The following DNAJC10 variants were observed in gnomAD, a reference collection of about 807,000 sequenced individuals.
DNAJC10 encodes endoplasmic reticulum disulfide reductase DNAJC10.
DNAJC10 carries 101 observed loss-of-function variants against 115.0 expected under a neutral mutation model. The observed-to-expected ratio is 0.88, with a 90% CI of 0.75 to 1.04. The LOEUF is 1.04. DNAJC10 is among the 50% of genes least tolerant of loss of function. The pLI is 0.00. For synonymous variants in DNAJC10, 307 were observed against 301.5 expected, an observed-to-expected ratio of 1.02 and a Z score of -0.19; for missense variants, 981 against 928.8, an observed-to-expected ratio of 1.06 and a Z score of -0.73.
At chr2:182,762,847 C>A in intron 22 of DNAJC10, 46 bp downstream of exon 22, 1 of 1,580,762 alleles carries the variant, frequency 6.3e-7, no homozygotes, top group South Asian at 1.2e-5. Context: ...AGGCCAAGCT[C>A]AAAAGATGTG....
At chr2:182,762,058 A>C (rs1694298305) in intron 21 of DNAJC10, among the ~76,000 whole-genome samples, 1 of 152,118 alleles carries the variant, frequency 6.6e-6, no homozygotes, top group Non-Finnish European at 1.5e-5. Context: ...TGGTGAACTT[A>C]CAGCAGTTTC....
chr2:182,761,402 GTGTC>G (rs1280073457), intron 21 of DNAJC10, among the ~76,000 whole-genome samples: 3 of 152,130 alleles, frequency 2.0e-5, no homozygotes, highest in Non-Finnish European at 4.4e-5. Context: ...GCAAGTGTGT[GTGTC>G]TGCCTACATG....
At chr2:182,767,857 TATC>T (rs1694454643) in intron 22 of DNAJC10, among the ~76,000 whole-genome samples, 1 of 152,160 alleles carries the variant, frequency 6.6e-6, no homozygotes, top group African/African-American at 2.4e-5. Flanking sequence ...CAGCATTCCT[TATC>T]ATACTACACA....
chr2:182,771,166 T>A (rs1232777328), intron 22 of DNAJC10, among the ~76,000 whole-genome samples: 1 of 152,160 alleles, frequency 6.6e-6, no homozygotes, highest in Non-Finnish European at 1.5e-5. Context: ...TGACTTGATC[T>A]TGGTGGATAA....
intron 3 of DNAJC10, 121 bp downstream of exon 3, chr2:182,718,411 A>G (rs1354010332): frequency 4.9e-6 from 4 of 822,500 alleles, no homozygotes; most frequent in Non-Finnish European, 7.1e-6. Flanking sequence ...TTATAATTCA[A>G]CTTGTATGCT....
intron 11 of DNAJC10, among the ~76,000 whole-genome samples, chr2:182,737,272 C>T (rs1170824915): frequency 1.3e-5 from 2 of 152,084 alleles, no homozygotes; most frequent in Non-Finnish European, 2.9e-5. Context: ...TACGGAATCC[C>T]AAAAGAAAGT....
chr2:182,774,307 G>T (rs924831465), intron 22 of DNAJC10, among the ~76,000 whole-genome samples: 7 of 152,184 alleles, frequency 4.6e-5, no homozygotes, highest in Middle Eastern at 3.2e-3. Flanking sequence ...TGGGGATCAG[G>T]GACTCACTTG....
chr2:182,732,210 G>A (rs1693464718), intron 9 of DNAJC10, among the ~76,000 whole-genome samples: 1 of 152,040 alleles, frequency 6.6e-6, no homozygotes, highest in African/African-American at 2.4e-5. Flanking sequence ...TAGGAGGAGA[G>A]ATTGAGAGTA....
chr2:182,789,640 CAT>C lies in DNAJC10; in HGVS notation c.*12509_*12510del, dbSNP rs1695014548. Reference sequence around the variant, plus strand: ...CCATTGCAAATAATGCTGCTATAAACATGGGTGTACAAATATCAGAAACCCTG... The same window carrying C: ...CCATTGCAAATAATGCTGCTATAAACGGGTGTACAAATATCAGAAACCCTG... On this transcript the variant is annotated 3_prime_UTR_variant, in exon 24 of 24. Coordinates refer to ENST00000264065, the MANE Select transcript of DNAJC10 (RefSeq NM_018981.4). The C allele has an allele frequency of 6.6e-6, 1 of 152,230 alleles. No individual in the cohort carries two copies. The highest frequency in any genetic ancestry group is 2.4e-5 in the African/African-American group (1 of 41,454). 9.4% of individuals were successfully genotyped at this position (152,230 alleles called of 1,614,324 possible).
chr2:182,793,614 A>T lies in DNAJC10; in HGVS notation c.*16482A>T, dbSNP rs1324373832. 1 of 152,138 alleles carries T rather than the reference A, an allele frequency of 6.6e-6. No homozygotes were observed. 9.4% of individuals were successfully genotyped at this position (152,138 alleles called of 1,614,324 possible). On this transcript the variant is annotated 3_prime_UTR_variant, in exon 24 of 24. Coordinates refer to ENST00000264065, the MANE Select transcript of DNAJC10 (RefSeq NM_018981.4). ...ATTTGGACATGGTCTGCTCCAAATA[A>T]GGCAAGTTGGCAGCATGCAATTGGC... is the stretch of plus-strand genomic sequence containing the variant.
rs542184781 is a variant in DNAJC10 at position 182,747,667 on chromosome 2, G to A, written c.1306+3955G>A. On this transcript the variant is annotated intron_variant, in intron 14 of 23. Transcript: ENST00000264065. ...GGTTTTCTAGATATACAATCATGTCGTCTGCAAACAGGGACAATTTGACTT... is the reference window on the plus strand; with the variant it reads ...GGTTTTCTAGATATACAATCATGTCATCTGCAAACAGGGACAATTTGACTT... Among the ~76,000 whole-genome samples, 42 of 151,554 alleles carry A rather than the reference G, an allele frequency of 2.8e-4. No individual in the cohort carries two copies. In the South Asian group the frequency reaches 4.6e-3, roughly 17 times the overall value.
intron 3 of DNAJC10, among the ~76,000 whole-genome samples, chr2:182,718,923 G>A (rs1247691062): frequency 2.0e-5 from 3 of 152,032 alleles, no homozygotes; most frequent in East Asian, 3.8e-4. Context: ...TCATTAACAA[G>A]AAGACATAGT....
In DNAJC10 at chr2:182,725,831, A is replaced by G. The variant is rs1000841304; in HGVS notation, c.419-2745A>G. On this transcript the variant is annotated intron_variant, in intron 5 of 23. Coordinates refer to ENST00000264065, the MANE Select transcript of DNAJC10 (RefSeq NM_018981.4). ...GGCTATACTAAACAACAAATTCTCA[A>G]TGTTAATGAGACAGCCTTCCATTGG... Among the ~76,000 whole-genome samples the G allele has an allele frequency of 8.7e-4, 133 of 152,326 alleles. 2 individuals carry two copies. The highest frequency in any genetic ancestry group is 2.9e-3 in the African/African-American group (122 of 41,584).
At chr2:182,764,954 A>G (rs916903859) in intron 22 of DNAJC10, among the ~76,000 whole-genome samples, 1 of 152,152 alleles carries the variant, frequency 6.6e-6, no homozygotes, top group Admixed American at 6.6e-5. Flanking sequence ...TGGGGACCCT[A>G]ATCAAGTAAG....
chr2:182,766,073 G>A (rs570370135), intron 22 of DNAJC10, among the ~76,000 whole-genome samples: 3 of 152,332 alleles, frequency 2.0e-5, no homozygotes, highest in African/African-American at 7.2e-5. Context: ...ACCAGACCTT[G>A]TAGGTTGGCA....
At chr2:182,755,283 T>C (rs954292311) in intron 17 of DNAJC10, among the ~76,000 whole-genome samples, 179 bp downstream of exon 17, 1 of 152,192 alleles carries the variant, frequency 6.6e-6, no homozygotes. Flanking sequence ...GTCTGTAAAC[T>C]CAAAGTAAAT....
At chr2:182,721,164 G>T (rs1409531957) in intron 4 of DNAJC10, among the ~76,000 whole-genome samples, 1 of 152,072 alleles carries the variant, frequency 6.6e-6, no homozygotes, top group Non-Finnish European at 1.5e-5. Flanking sequence ...AACTGAATAT[G>T]CTTCTGTATT....
At chr2:182,759,406 T>C in intron 21 of DNAJC10, 99 bp downstream of exon 21, 1 of 1,148,094 alleles carries the variant, frequency 8.7e-7, no homozygotes, top group Non-Finnish European at 1.2e-6. Flanking sequence ...TTTTCTTAAA[T>C]GTTTCCTCTG....
At chr2:182,771,757 A>G (rs1460508903) in intron 22 of DNAJC10, among the ~76,000 whole-genome samples, 5 of 151,826 alleles carry the variant, frequency 3.3e-5, no homozygotes, top group African/African-American at 1.2e-4. Flanking sequence ...AATTTTGTTG[A>G]TCTTTTCAAA....
Sources: gnomAD v4.1 joint callset for allele counts (sites outside exome capture counted in the v4.1 genomes callset) on GRCh38, gnomAD v4.1.1 for gene constraint, MANE v1.5 for transcripts, NCBI Gene and HGNC (gene_info 2026-07-23, HGNC 2026-07-21) for gene names.